CSMD1: variants seen among roughly 807,000 people sequenced by gnomAD.
CSMD1 encodes the protein CUB and Sushi multiple domains 1.
A neutral mutation model predicts 417.5 loss-of-function variants in CSMD1; 213 were observed. The observed-to-expected ratio is 0.51, with a 90% CI of 0.46 to 0.57. The LOEUF is 0.57. Ranked by LOEUF, CSMD1 falls within the 20% of genes least tolerant of loss-of-function variation. The pLI is 0.00. For synonymous variants in CSMD1, 2,862 were observed against 1,736.8 expected, an observed-to-expected ratio of 1.65 and a Z score of -16.11; for missense variants, 6,923 against 4,529.7, an observed-to-expected ratio of 1.53 and a Z score of -15.17.
At chr8:3,405,499 TC>T (rs1458646538) in intron 15 of CSMD1, among the ~76,000 whole-genome samples, 2 of 152,094 alleles carry the variant, frequency 1.3e-5, no homozygotes, top group African/African-American at 4.8e-5. Flanking sequence ...TTGAATTCTG[TC>T]CCCCCAAAAA....
chr8:3,550,041 T>G (rs80152536), intron 10 of CSMD1, among the ~76,000 whole-genome samples: 4,329 of 152,346 alleles, frequency 0.028, 84 homozygotes, highest in Non-Finnish European at 0.043. Context: ...CTGATTTTTC[T>G]TGTTTCATAT....
chr8:4,571,641 A>T (rs2959176), intron 2 of CSMD1, among the ~76,000 whole-genome samples: 61,605 of 151,924 alleles, frequency 0.41, 13,148 homozygotes, highest in East Asian at 0.53. Flanking sequence ...GGACAGTTCT[A>T]TAGATGTACT....
At chr8:3,800,960 C>G (rs1313269594) in intron 5 of CSMD1, among the ~76,000 whole-genome samples, 1 of 151,878 alleles carries the variant, frequency 6.6e-6, no homozygotes, top group Non-Finnish European at 1.5e-5. Flanking sequence ...CCTTTTATCA[C>G]AACACAAAAC....
intron 3 of CSMD1, among the ~76,000 whole-genome samples, chr8:4,168,642 T>C (rs1797590930): frequency 6.6e-6 from 1 of 152,104 alleles, no homozygotes; most frequent in African/African-American, 2.4e-5. Context: ...TCATCATGTT[T>C]TCTACTCTGG....
chr8:3,487,041 C>T (rs1818079688), intron 11 of CSMD1, among the ~76,000 whole-genome samples: 1 of 152,126 alleles, frequency 6.6e-6, no homozygotes, highest in Non-Finnish European at 1.5e-5. Flanking sequence ...GACACAAAAG[C>T]ACTTACCTGG....
chr8:3,936,732 G>C (rs1810525574), intron 5 of CSMD1, among the ~76,000 whole-genome samples: 1 of 152,158 alleles, frequency 6.6e-6, no homozygotes, highest in Non-Finnish European at 1.5e-5. Context: ...TTTCATGCTT[G>C]TTAACACAAC....
intron 6 of CSMD1, among the ~76,000 whole-genome samples, chr8:3,719,211 A>C (rs1802007964): frequency 6.6e-6 from 1 of 152,092 alleles, no homozygotes; most frequent in African/African-American, 2.4e-5. Flanking sequence ...TACTGGGATT[A>C]TCAAAAGCCT....
intron 2 of CSMD1, among the ~76,000 whole-genome samples, chr8:4,579,749 A>G (rs1182569185): frequency 2.0e-5 from 3 of 152,146 alleles, no homozygotes; most frequent in Non-Finnish European, 4.4e-5. Flanking sequence ...GTAAATTTAC[A>G]TGGTGAATTT....
At chr8:4,031,241 G>A (rs529452935) in intron 4 of CSMD1, among the ~76,000 whole-genome samples, 37 of 152,224 alleles carry the variant, frequency 2.4e-4, no homozygotes, top group African/African-American at 8.4e-4. Context: ...TTTTCACACT[G>A]CTGATAAAGA....
intron 1 of CSMD1, among the ~76,000 whole-genome samples, chr8:4,960,072 G>A (rs1398739186): frequency 6.6e-6 from 1 of 152,032 alleles, no homozygotes; most frequent in Non-Finnish European, 1.5e-5. Context: ...TACCACCATT[G>A]GGACTCTAAA....
intron 12 of CSMD1, among the ~76,000 whole-genome samples, chr8:3,430,682 C>T (rs1814158929): frequency 6.6e-6 from 1 of 152,066 alleles, no homozygotes; most frequent in South Asian, 2.1e-4. Context: ...TGGCAGGTGC[C>T]TGTAATCCCA....
At chr8:3,316,535 G>GGA (rs56271200) in intron 23 of CSMD1, among the ~76,000 whole-genome samples, 86,231 of 151,784 alleles carry the variant, frequency 0.57, 25,279 homozygotes, top group African/African-American at 0.64. Flanking sequence ...GAGCCTTGCG[G>GGA]GAGAGGGTTT....
rs545391367 is a variant in CSMD1 at position 3,723,496 on chromosome 8, C to A, written c.932-15005G>T. Among the ~76,000 whole-genome samples, 10 of 152,216 alleles carry A rather than the reference C, an allele frequency of 6.6e-5. 1 individual carries two copies. The highest frequency in any genetic ancestry group is 2.4e-4 in the African/African-American group (10 of 41,532). ...ATCCTGTGTATTCTCTTCAGATATT[C>A]CGAAAATCATAGTTGGGCATTTAGT... On this transcript the variant is annotated intron_variant, in intron 6 of 69. Coordinates refer to ENST00000635120, the MANE Select transcript of CSMD1 (RefSeq NM_033225.6).
intron 5 of CSMD1, among the ~76,000 whole-genome samples, chr8:3,922,774 A>T (rs987038726): frequency 1.3e-5 from 2 of 152,106 alleles, no homozygotes; most frequent in East Asian, 1.9e-4. Context: ...TTTTTAGTAC[A>T]TTTGTCTGTA....
At chr8:4,808,486 T>C (rs2117320617) in intron 1 of CSMD1, among the ~76,000 whole-genome samples, 1 of 152,314 alleles carries the variant, frequency 6.6e-6, no homozygotes, top group South Asian at 2.1e-4. Flanking sequence ...TCTCAAATAA[T>C]AATCATAGTG....
Position 4,542,592 on chromosome 8 carries a change from G to A in CSMD1, c.302+94750C>T, listed in dbSNP as rs1204910228. Among the ~76,000 whole-genome samples, 5 of 152,204 alleles carry A rather than the reference G, an allele frequency of 3.3e-5. 1 individual carries two copies. The South Asian group carries it at 6.2e-4, about 19-fold the overall frequency. ...CCCAGTATTTTATGTTATTGCTAAC[G>A]CAATTTTTTTCAATGTAACTTCTTC... is the stretch of plus-strand genomic sequence containing the variant. On this transcript the variant is annotated intron_variant, in intron 2 of 69. Coordinates refer to ENST00000635120, the MANE Select transcript of CSMD1 (RefSeq NM_033225.6).
intron 3 of CSMD1, among the ~76,000 whole-genome samples, chr8:4,292,766 T>G (rs28675348): frequency 0.016 from 2,414 of 152,284 alleles, 51 homozygotes; most frequent in African/African-American, 0.054. Context: ...AACTGAATAT[T>G]AAACACAATC....
intron 2 of CSMD1, among the ~76,000 whole-genome samples, chr8:4,630,469 A>G (rs1466893206): frequency 6.6e-6 from 1 of 152,128 alleles, no homozygotes; most frequent in Non-Finnish European, 1.5e-5. Context: ...AAAACAAAAC[A>G]AAAACGAAAA....
intron 3 of CSMD1, among the ~76,000 whole-genome samples, chr8:4,156,578 C>T (rs1006181863): frequency 6.6e-6 from 1 of 151,990 alleles, no homozygotes; most frequent in Admixed American, 6.6e-5. Flanking sequence ...TCCACATACC[C>T]AAAAGCATTC....
Sources: gnomAD v4.1 joint callset for allele counts (sites outside exome capture counted in the v4.1 genomes callset) on GRCh38, gnomAD v4.1.1 for gene constraint, MANE v1.5 for transcripts, NCBI Gene and HGNC (gene_info 2026-07-23, HGNC 2026-07-21) for gene names.